Variants in PARVG observed in about 807,000 individuals in gnomAD.
PARVG encodes the protein parvin gamma, also known as gamma-parvin.
A neutral mutation model predicts 44.4 loss-of-function variants in PARVG; 36 were observed. The observed-to-expected ratio is 0.81, with a 90% confidence interval of 0.62 to 1.07. PARVG has a LOEUF of 1.07. Among genes scored for constraint, PARVG ranks in the 50% least tolerant of loss-of-function variants. The probability of loss-of-function intolerance (pLI) is 0.00; values close to 1 mark genes in which losing one functional copy is unlikely to be tolerated. For synonymous variants in PARVG, 170 were observed against 174.1 expected (o/e 0.98, Z 0.19); for missense variants, 407 against 407.4 (o/e 1.00, Z 0.01).
chr22:44,201,680 G>C (rs531740790), intron 12 of PARVG, among the ~76,000 whole-genome samples: 3 of 152,200 alleles, frequency 2.0e-5, no homozygotes, highest in Non-Finnish European at 4.4e-5. Context: ...CGAAAACCTA[G>C]GGGCTGAAAA....
chr22:44,181,147 A>T lies in PARVG; in HGVS notation c.-227A>T, dbSNP rs2054369535. 3 of 398,578 alleles carry T rather than the reference A, an allele frequency of 7.5e-6. No individual in the cohort carries two copies. Among genetic ancestry groups the T allele is most frequent in the Admixed American group, 6.4e-5 (1 of 15,538 alleles). 24.7% of individuals were successfully genotyped at this position (398,578 alleles called of 1,614,324 possible). On this transcript the variant is annotated 5_prime_UTR_variant, in exon 1 of 14. Transcript: ENST00000444313. ...CAACAACCACCACCAATATTTATTC[A>T]CTGAGCCCACTTTGTGCCAAGCATT...
chr22:44,203,916 C>T (rs1255345061), intron 12 of PARVG, among the ~76,000 whole-genome samples: 1 of 152,238 alleles, frequency 6.6e-6, no homozygotes, highest in African/African-American at 2.4e-5. Flanking sequence ...GCAATCTTGG[C>T]TCACTGCAAC....
intron 12 of PARVG, among the ~76,000 whole-genome samples, chr22:44,199,771 A>T (rs1280525440): frequency 6.6e-6 from 1 of 152,152 alleles, no homozygotes; most frequent in African/African-American, 2.4e-5. Context: ...GAGGGGAGGG[A>T]ATAGCATCAG....
At position 44,173,174 on chromosome 22, in the gene PARVG, G is replaced by T. The variant is rs949317127; in HGVS notation, c.-206G>T. ...CTGGGACCACAAGGAGAAGAGGGCA[G>T]CAGAGTCACAGCTGCAGGTGAGTAA... On this transcript the variant is annotated 5_prime_UTR_variant, in exon 1 of 14. Transcript: ENST00000422871. 3.9e-6 allele frequency: 5 copies of T among 1,272,330 alleles called. No homozygotes were observed. The African/African-American group carries it at 7.7e-5, about 19-fold the overall frequency. 78.8% of individuals were successfully genotyped at this position (1,272,330 alleles called of 1,614,324 possible). A position where few individuals can be genotyped will look rare whatever the true frequency, so the allele number is the denominator to read the frequency against.
chr22:44,198,262 T>C lies in PARVG; in HGVS notation c.712-359T>C, dbSNP rs375376374. ...AATATTAATGTGGCAGCCAGCGAGA[T>C]GAGCCTGGTGTGCTGCTCTCTGCCT... On this transcript the variant is annotated intron_variant, in intron 11 of 13. Transcript: ENST00000444313. 2.0e-5 allele frequency among the ~76,000 whole-genome samples: 3 copies of C among 152,348 alleles called. No individual in the cohort carries two copies. The East Asian group carries it at 5.8e-4, about 29-fold the overall frequency.
At chr22:44,179,019 G>A (rs1313255882), upstream of PARVG, among the ~76,000 whole-genome samples, 1 of 151,792 alleles carries the variant, frequency 6.6e-6, no homozygotes, top group Non-Finnish European at 1.5e-5. The surrounding 1 kb of genome is among the most constrained non-coding windows in gnomAD (Gnocchi z 4.2). Context: ...AATTTTAGTT[G>A]TGGTTAAAAA....
chr22:44,179,638 C>T (rs563270871), upstream of PARVG, among the ~76,000 whole-genome samples: 15 of 152,304 alleles, frequency 9.8e-5, no homozygotes, highest in South Asian at 2.7e-3. The surrounding 1 kb of genome is among the most constrained non-coding windows in gnomAD (Gnocchi z 4.2). Flanking sequence ...GAACTCCATT[C>T]TCTAACAGTT....
chr22:44,189,258 C>A lies in PARVG; in HGVS notation c.388+4C>A. 6.2e-7 allele frequency: 1 copy of A among 1,613,730 alleles called. No individual in the cohort carries two copies. Among genetic ancestry groups the A allele is most frequent in the South Asian group, 1.1e-5 (1 of 91,058 alleles). Reference sequence around the variant, plus strand: ...CAGGCCAAGTGGAGCGTGGAGAGTACGTGGGCCACAACCTGGCTACCCCTG... The same window carrying A: ...CAGGCCAAGTGGAGCGTGGAGAGTAAGTGGGCCACAACCTGGCTACCCCTG... On this transcript the variant is annotated splice_donor_region_variant and intron_variant, in intron 6 of 13. Transcript: ENST00000444313.
intron 1 of PARVG, 147 bp downstream of exon 1, chr22:44,181,332 G>A (rs867364985): frequency 3.5e-5 from 34 of 985,370 alleles, no homozygotes; most frequent in Middle Eastern, 5.2e-4. Flanking sequence ...GCTCAGGGGC[G>A]GGCAGGGGGC....
In PARVG at chr22:44,185,790, T is replaced by G; in HGVS notation, c.80-18T>G. The G allele has an allele frequency of 6.2e-7, 1 of 1,610,334 alleles. No individual in the cohort carries two copies. Among genetic ancestry groups the G allele is most frequent in the Non-Finnish European group, 8.5e-7 (1 of 1,177,372 alleles). On this transcript the variant is annotated intron_variant, in intron 3 of 13. Coordinates refer to ENST00000444313, the MANE Select transcript of PARVG (RefSeq NM_022141.7). ...CCACAGGGTCCCCATGCGCTTGTCA[T>G]ACCCACTCTGCTTCCAGGAGGAAAG...
intron 6 of PARVG, among the ~76,000 whole-genome samples, chr22:44,189,942 C>T (rs947529500): frequency 2.6e-5 from 4 of 152,044 alleles, no homozygotes; most frequent in African/African-American, 7.2e-5. Flanking sequence ...ACCAAGAGAG[C>T]GTGCCAAACA....
intron 12 of PARVG, among the ~76,000 whole-genome samples, chr22:44,198,937 T>TCCATCCATCCATCCATCCATCCATCCAC (rs1569186424): frequency 3.3e-5 from 1 of 30,678 alleles, no homozygotes; most frequent in Admixed American, 3.1e-4. Context: ...CATCCATCCA[T>TCCATCCATCCATCCATCCATCCATCCAC]CCACCCACCC....
chr22:44,201,650 G>A (rs963575921), intron 12 of PARVG, among the ~76,000 whole-genome samples: 3 of 152,172 alleles, frequency 2.0e-5, no homozygotes, highest in Non-Finnish European at 4.4e-5. Flanking sequence ...TGCCACAAAC[G>A]TGCTGCTTAA....
At chr22:44,176,891 CAA>C (rs1194197077), upstream of PARVG, among the ~76,000 whole-genome samples, 33 of 152,094 alleles carry the variant, frequency 2.2e-4, no homozygotes, top group African/African-American at 8.0e-4. Context: ...TGGCGGCAGG[CAA>C]AAGAGTGTGT....
In PARVG at chr22:44,183,408, G is replaced by T. The variant is rs781359461; in HGVS notation, c.79G>T (p.Gly27Ter). Residue 27 changes from glycine (G) to a stop codon, truncating the protein, a stop_gained and splice_region_variant, in exon 3 of 14, where the codon GGA (glycine) becomes TGA (stop). Coordinates refer to ENST00000444313, the MANE Select transcript of PARVG (RefSeq NM_022141.7). LOFTEE classifies it high-confidence loss of function. ...CCCAGCGGAGGAGGAGCTCTCAAAA[G>T]GTGTGTGCCCACGCAGGTCTGAGGG... ...EPPAEEELSK[G>*]GKKKYLPPTS... 6.3e-7 allele frequency: 1 copy of T among 1,598,818 alleles called. No individual in the cohort carries two copies.
Position 44,182,958 on chromosome 22 carries a change from C to T in PARVG, c.-12-360C>T. 3.8e-6 allele frequency: 1 copy of T among 261,038 alleles called. No individual in the cohort carries two copies. The highest frequency in any genetic ancestry group is 7.3e-6 in the Non-Finnish European group (1 of 136,534). The allele number at this position is 261,038 out of a possible 1,614,324, so 16.2% of individuals were successfully genotyped here. A position where few individuals can be genotyped will look rare whatever the true frequency, so the allele number is the denominator to read the frequency against. On this transcript the variant is annotated intron_variant, in intron 2 of 13. Coordinates refer to ENST00000444313, the MANE Select transcript of PARVG (RefSeq NM_022141.7). The surrounding 1 kb of genome is among the most constrained non-coding windows in gnomAD (Gnocchi z 4.6). ...ACAAGCTCTGAGGAGTGAGCTGTAC[C>T]TACTTTGTCCTGTCTGGGATAGGGT... is the stretch of plus-strand genomic sequence containing the variant.
At chr22:44,187,561 G>A in intron 4 of PARVG, 3 of 603,748 alleles carry the variant, frequency 5.0e-6, no homozygotes, top group Admixed American at 2.7e-5. Flanking sequence ...CACTGCTCAG[G>A]TTTGTGATGG....
chr22:44,180,513 A>C (rs530213796), upstream of PARVG, among the ~76,000 whole-genome samples: 4 of 152,214 alleles, frequency 2.6e-5, no homozygotes, highest in East Asian at 7.7e-4. Context: ...CCCCAGCAAA[A>C]TAGGTCCTGC....
rs1371033184 is a variant in PARVG, at chr22:44,196,501, G to A, written c.711+86G>A. 4 of 1,504,420 alleles carry A rather than the reference G, an allele frequency of 2.7e-6. No individual in the cohort carries two copies. The South Asian group carries it at 3.4e-5, about 13-fold the overall frequency. 93.2% of individuals were successfully genotyped at this position (1,504,420 alleles called of 1,614,324 possible). The stretch of plus-strand genomic sequence containing the variant: ...AGGGTTCTGCAGGCCCTGGGAACCT[G>A]CTGTGTGGTGGGGGTTGCATCACCT... On this transcript the variant is annotated intron_variant, in intron 11 of 13. Coordinates refer to ENST00000444313, the MANE Select transcript of PARVG (RefSeq NM_022141.7).
Sources: gnomAD v4.1 joint callset for allele counts (sites outside exome capture counted in the v4.1 genomes callset) on GRCh38, gnomAD v4.1.1 for gene constraint, Gnocchi (gnomAD v3.1) non-coding constraint, MANE v1.5 for transcripts, NCBI Gene and HGNC (gene_info 2026-07-23, HGNC 2026-07-21) for gene names.